Variants in PRKD2 observed in about 807,000 individuals in gnomAD.
PRKD2 encodes protein kinase D2, also known as serine/threonine-protein kinase D2.
Under a neutral mutation model 86.0 loss-of-function variants are expected in PRKD2, and 22 were observed. That is an observed-to-expected ratio of 0.26 (90% confidence interval 0.18 to 0.37). The LOEUF (loss-of-function observed/expected upper bound fraction) is 0.37, where lower values mean the gene tolerates loss of function less well. Ranked by LOEUF, PRKD2 falls within the 10% of genes least tolerant of loss-of-function variation. PRKD2 has a pLI of 1.00. For synonymous variants in PRKD2, 509 were observed against 510.9 expected (o/e 1.00, Z 0.05); for missense variants, 818 against 1,199.2 (o/e 0.68, Z 4.70).
intron 9 of PRKD2, among the ~76,000 whole-genome samples, chr19:46,696,641 C>T (rs2053562358): frequency 6.6e-6 from 1 of 151,808 alleles, no homozygotes; most frequent in South Asian, 2.1e-4. Context: ...ACCTGTAGTC[C>T]TAGGGTGGGA....
chr19:46,697,295 G>T, intron 8 of PRKD2, 61 bp from the exon 9 acceptor site: 1 of 1,313,938 alleles, frequency 7.6e-7, no homozygotes, highest in Non-Finnish European at 1.1e-6. Flanking sequence ...TCCCTATCCC[G>T]TGGAGCTGCT....
At chr19:46,713,817 C>CA (rs1321732446) in intron 2 of PRKD2, 46 bp downstream of exon 2, 1 of 1,325,312 alleles carries the variant, frequency 7.5e-7, no homozygotes, top group Non-Finnish European at 1.0e-6. Flanking sequence ...CCAGATGCCC[C>CA]GCCCCCACCC....
At chr19:46,685,313 CCA>C (rs2053380965) in intron 14 of PRKD2, 1 of 151,440 alleles carries the variant, frequency 6.6e-6, no homozygotes, top group African/African-American at 2.4e-5. Flanking sequence ...CTAGATAGAT[CCA>C]GACTCAAATC....
chr19:46,705,301 C>A (rs1015751825), intron 3 of PRKD2, among the ~76,000 whole-genome samples: 10 of 152,052 alleles, frequency 6.6e-5, no homozygotes, highest in Admixed American at 2.6e-4. Context: ...CCCCTTCTAA[C>A]CCTGACCTTC....
intron 7 of PRKD2, among the ~76,000 whole-genome samples, chr19:46,699,050 G>A (rs1435606974): frequency 6.6e-6 from 1 of 152,062 alleles, no homozygotes; most frequent in African/African-American, 2.4e-5. Context: ...TGTCGTCACT[G>A]TGACTGGCTT....
intron 3 of PRKD2, among the ~76,000 whole-genome samples, chr19:46,705,738 G>T (rs926921912): frequency 6.7e-6 from 1 of 150,356 alleles, no homozygotes; most frequent in Non-Finnish European, 1.5e-5. Flanking sequence ...AGTGAGCTGA[G>T]ATCACGCCAC....
chr19:46,681,843 T>TC, intron 14 of PRKD2, 95 bp from the exon 15 acceptor site: 1 of 616,278 alleles, frequency 1.6e-6, no homozygotes, highest in Non-Finnish European at 2.7e-6. Flanking sequence ...TCCATACTTT[T>TC]TTTTTTTTTT....
intron 3 of PRKD2, 65 bp from the exon 4 acceptor site, chr19:46,704,714 T>TTGTG: frequency 1.3e-6 from 2 of 1,525,894 alleles, no homozygotes; most frequent in Admixed American, 4.3e-5. Context: ...TCTTGAGAAG[T>TTGTG]TGTGCCCTTT....
chr19:46,694,163 G>A (rs780107676), intron 9 of PRKD2, 30 bp from the exon 10 acceptor site: 1 of 1,606,250 alleles, frequency 6.2e-7, no homozygotes, highest in Admixed American at 1.7e-5. Context: ...CACAGGTGAG[G>A]ATGCCAGGCA....
At chr19:46,675,689 C>T (rs1300570758) in intron 16 of PRKD2, among the ~76,000 whole-genome samples, 1 of 152,220 alleles carries the variant, frequency 6.6e-6, no homozygotes, top group East Asian at 1.9e-4. Context: ...AAGCAATCCG[C>T]CTGCCTTGGC....
At chr19:46,714,583 G>T (rs964658595) in intron 1 of PRKD2, 1 of 151,852 alleles carries the variant, frequency 6.6e-6, no homozygotes, top group Admixed American at 6.6e-5. Flanking sequence ...AGCTTTGGGG[G>T]CCTGGGGGCA....
intron 14 of PRKD2, among the ~76,000 whole-genome samples, chr19:46,686,733 C>T (rs1169653491): frequency 7.3e-5 from 11 of 151,064 alleles, no homozygotes; most frequent in African/African-American, 2.7e-4. Context: ...GGGTGGATCA[C>T]GAGGTCAGGA....
intron 3 of PRKD2, among the ~76,000 whole-genome samples, chr19:46,706,602 T>C (rs751648745): frequency 9.9e-5 from 15 of 152,190 alleles, no homozygotes; most frequent in Non-Finnish European, 1.8e-4. Flanking sequence ...AATGTAGTCA[T>C]TTGGGGTTCT....
rs2053467951 is a variant in PRKD2 at position 46,690,509 on chromosome 19, T to TC, written c.1809+90dup. On this transcript the variant is annotated intron_variant, in intron 13 of 17. Transcript: ENST00000291281. ...CTTCAGTCTCAACATGCACATGCCCTCCCCCAGGAAGCCTTCCCTGACCAC... is the reference window on the plus strand; with the variant it reads ...CTTCAGTCTCAACATGCACATGCCCTCCCCCCAGGAAGCCTTCCCTGACCAC... The TC allele has an allele frequency of 7.1e-6, 8 of 1,121,756 alleles. No individual in the cohort carries two copies. In the Admixed American group the frequency reaches 1.4e-4, roughly 20 times the overall value. The allele number at this position is 1,121,756 out of a possible 1,614,324, so 69.5% of individuals were successfully genotyped here. A position where few individuals can be genotyped will look rare whatever the true frequency, so the allele number is the denominator to read the frequency against.
intron 8 of PRKD2, 130 bp from the exon 9 acceptor site, chr19:46,697,364 G>A (rs1568727842): frequency 1.5e-6 from 1 of 661,380 alleles, no homozygotes; most frequent in South Asian, 1.9e-5. Context: ...CCTACCCCAC[G>A]CCGTAACCCC....
Position 46,678,231 on chromosome 19 carries a change from G to C in PRKD2, c.2338+165C>G. On this transcript the variant is annotated intron_variant, in intron 16 of 17. Transcript: ENST00000291281. The surrounding 1 kb of genome is among the most constrained non-coding windows in gnomAD (Gnocchi z 5.7). Reference sequence around the variant, plus strand: ...AGTCCCAGCCCATCTTTTACAGGACGGCTCCTCCTGTAGCCACATCCCTCC... The same window carrying C: ...AGTCCCAGCCCATCTTTTACAGGACCGCTCCTCCTGTAGCCACATCCCTCC... 9.1e-7 allele frequency: 1 copy of C among 1,095,158 alleles called. No homozygotes were observed. The highest frequency in any genetic ancestry group is 1.3e-6 in the Non-Finnish European group (1 of 781,968). The allele number at this position is 1,095,158 out of a possible 1,614,324, so 67.8% of individuals were successfully genotyped here. A position where few individuals can be genotyped will look rare whatever the true frequency, so the allele number is the denominator to read the frequency against.
chr19:46,701,244 C>T, intron 5 of PRKD2, 132 bp from the exon 6 acceptor site: 1 of 941,636 alleles, frequency 1.1e-6, no homozygotes, highest in Non-Finnish European at 1.7e-6. Flanking sequence ...CTGGCTGCTG[C>T]TGCCCTGGTC....
intron 14 of PRKD2, chr19:46,685,362 G>A (rs775994568): frequency 6.6e-6 from 1 of 152,156 alleles, no homozygotes; most frequent in Non-Finnish European, 1.5e-5. Flanking sequence ...CCTCGAGGGA[G>A]ACTGCTATCT....
chr19:46,695,618 G>A (rs1331461388), intron 9 of PRKD2, among the ~76,000 whole-genome samples: 1 of 152,236 alleles, frequency 6.6e-6, no homozygotes, highest in Non-Finnish European at 1.5e-5. Flanking sequence ...CTTGTGTGCG[G>A]AGGGCAGATG....
Sources: allele counts gnomAD v4.1 joint callset (sites outside exome capture counted in the v4.1 genomes callset), GRCh38; gene constraint gnomAD v4.1.1; non-coding constraint Gnocchi (gnomAD v3.1); transcripts MANE v1.5; gene names NCBI Gene and HGNC (gene_info 2026-07-23, HGNC 2026-07-21).